Variants in CLPB observed in about 807,000 individuals in gnomAD.
CLPB encodes the protein mitochondrial disaggregase.
CLPB carries 40 observed loss-of-function variants against 78.4 expected under a neutral mutation model. The observed-to-expected ratio is 0.51, with a 90% CI of 0.40 to 0.66. CLPB has a LOEUF of 0.66. Ranked by LOEUF, CLPB falls within the 30% of genes least tolerant of loss-of-function variation. The pLI is 0.00. For synonymous variants in CLPB, 333 were observed against 348.0 expected (o/e 0.96, Z 0.48); for missense variants, 780 against 886.9 (o/e 0.88, Z 1.53).
chr11:72,329,832 G>C (rs1300586612), intron 5 of CLPB, 28 bp from the exon 6 acceptor site: 1 of 1,570,366 alleles, frequency 6.4e-7, no homozygotes, highest in Non-Finnish European at 8.8e-7. Context: ...ATAAACAGAG[G>C]CTCTATGAAC....
Position 72,434,407 on chromosome 11 carries a change from G to T in CLPB, c.68C>A (p.Ser23Tyr). Residue 23 changes from serine to tyrosine, a missense_variant, in exon 1 of 16, where the codon TCC (serine) becomes TAC (tyrosine). Physicochemically the swap from Ser to Tyr is moderately radical, Grantham distance 144 (BLOSUM62 -2). Transcript: ENST00000538039. ...APRLLLRLLR[S>Y]PTLRGHGGAS... ...ACCTCCATGGCCCCGGAGCGTTGGG[G>T]ACCTGAGCAGCCGGAGGAGTAGCCG... 6.2e-7 allele frequency: 1 copy of T among 1,602,508 alleles called. No individual in the cohort carries two copies. Among genetic ancestry groups the T allele is most frequent in the Non-Finnish European group, 8.5e-7 (1 of 1,172,608 alleles).
At position 72,294,418 on chromosome 11, in the gene CLPB, C is replaced by T. The variant is rs764873441; in HGVS notation, c.1587G>A (p.Leu529=). 6.2e-7 allele frequency: 1 copy of T among 1,614,202 alleles called. No individual in the cohort carries two copies. Among genetic ancestry groups the T allele is most frequent in the South Asian group, 1.1e-5 (1 of 91,086 alleles). ...AGTAGACGATCTCATTGATCCGTCCCAGAAACTCATCCCTCCGGAAGTGAG... is the reference window on the plus strand; with the variant it reads ...AGTAGACGATCTCATTGATCCGTCCTAGAAACTCATCCCTCCGGAAGTGAG... ...LKAHFRRDEF[L]GRINEIVYFL... Residue 529 remains leucine, a synonymous_variant, in exon 14 of 16, where the codon CTG becomes CTA. Transcript: ENST00000538039.
At chr11:72,343,196 G>T (rs1419165527) in intron 5 of CLPB, among the ~76,000 whole-genome samples, 1 of 152,144 alleles carries the variant, frequency 6.6e-6, no homozygotes, top group Non-Finnish European at 1.5e-5. Context: ...CTGGAATGAG[G>T]TACACTCAAA....
chr11:72,345,350 T>G (rs1257305780), intron 5 of CLPB, among the ~76,000 whole-genome samples: 5 of 152,158 alleles, frequency 3.3e-5, no homozygotes, highest in Non-Finnish European at 7.3e-5. Context: ...ATGAGGAATA[T>G]CTCTATGAAT....
At chr11:72,391,114 G>C (rs1009704303) in intron 3 of CLPB, among the ~76,000 whole-genome samples, 3 of 152,032 alleles carry the variant, frequency 2.0e-5, no homozygotes, top group Non-Finnish European at 2.9e-5. Context: ...CCCTTTCAGG[G>C]AGTCTCTCAA....
chr11:72,433,700 G>A (rs1402994930), intron 1 of CLPB, among the ~76,000 whole-genome samples: 1 of 152,018 alleles, frequency 6.6e-6, no homozygotes, highest in Non-Finnish European at 1.5e-5. Context: ...ACCATCTGGC[G>A]GTTGCCCTTA....
chr11:72,434,519 G>T lies in CLPB; in HGVS notation c.-45C>A. ...ACCCCGTGGTGCCGGCCCCTGTGCTGACCACGTCCAACATGGCTGCCGCGG... is the reference window on the plus strand; with the variant it reads ...ACCCCGTGGTGCCGGCCCCTGTGCTTACCACGTCCAACATGGCTGCCGCGG... On this transcript the variant is annotated 5_prime_UTR_variant, in exon 1 of 16. Coordinates refer to ENST00000538039, the MANE Select transcript of CLPB (RefSeq NM_001258392.3). 1.3e-6 allele frequency: 2 copies of T among 1,511,350 alleles called. No homozygotes were observed. The highest frequency in any genetic ancestry group is 2.7e-5 in the South Asian group (2 of 75,040). The allele number at this position is 1,511,350 out of a possible 1,614,324, so 93.6% of individuals were successfully genotyped here. A position where few individuals can be genotyped will look rare whatever the true frequency, so the allele number is the denominator to read the frequency against.
At chr11:72,386,868 C>T (rs11235486) in intron 3 of CLPB, among the ~76,000 whole-genome samples, 1 of 152,140 alleles carries the variant, frequency 6.6e-6, no homozygotes, top group African/African-American at 2.4e-5. Flanking sequence ...CATTTGGAGA[C>T]TATTTACTCT....
At chr11:72,393,663 A>C (rs1405871956) in intron 3 of CLPB, among the ~76,000 whole-genome samples, 1 of 152,222 alleles carries the variant, frequency 6.6e-6, no homozygotes, top group Admixed American at 6.5e-5. Flanking sequence ...GGGCCTATAC[A>C]GGGCAGTAAA....
At chr11:72,372,145 G>A (rs1231276246) in intron 4 of CLPB, among the ~76,000 whole-genome samples, 4 of 152,144 alleles carry the variant, frequency 2.6e-5, no homozygotes, top group Non-Finnish European at 5.9e-5. Context: ...TTAGGTAATG[G>A]CTAAGCCATT....
At chr11:72,318,254 G>T (rs1177811097) in intron 6 of CLPB, among the ~76,000 whole-genome samples, 1 of 152,204 alleles carries the variant, frequency 6.6e-6, no homozygotes, top group Non-Finnish European at 1.5e-5. Context: ...CAGCTAGATG[G>T]GGTGGTGTAG....
chr11:72,380,940 G>A (rs543401169), intron 3 of CLPB, among the ~76,000 whole-genome samples: 3 of 152,288 alleles, frequency 2.0e-5, no homozygotes, highest in South Asian at 2.1e-4. Context: ...CAGGAGAAAC[G>A]TGCAGCAGAC....
In CLPB at chr11:72,358,926, A is replaced by G; in HGVS notation, c.729T>C (p.Ala243=). ...CAGTGCGGTAGTCATCAGCAAGAAC[A>G]GCATAGTGCAAGGCCGTGCAGCCCT... ...SFKGCTALHY[A]VLADDYRTVK... Residue 243 remains alanine, a synonymous_variant, in exon 5 of 16, where the codon GCT becomes GCC. Transcript: ENST00000538039. 1 of 1,612,402 alleles carries G rather than the reference A, an allele frequency of 6.2e-7. No homozygotes were observed. Among genetic ancestry groups the G allele is most frequent in the Non-Finnish European group, 8.5e-7 (1 of 1,179,674 alleles).
chr11:72,383,875 G>A (rs1854995646), intron 3 of CLPB, among the ~76,000 whole-genome samples: 1 of 152,162 alleles, frequency 6.6e-6, no homozygotes, highest in South Asian at 2.1e-4. Flanking sequence ...TAAGGAGAGT[G>A]CTTCATGTTG....
intron 5 of CLPB, chr11:72,355,338 G>A (rs1217679141): frequency 6.6e-6 from 1 of 152,188 alleles, no homozygotes; most frequent in Non-Finnish European, 1.5e-5. Flanking sequence ...GGCAGGATGG[G>A]AATATCGTAG....
intron 2 of CLPB, among the ~76,000 whole-genome samples, chr11:72,404,365 A>G (rs1001262427): frequency 1.3e-5 from 2 of 152,232 alleles, no homozygotes; most frequent in Non-Finnish European, 2.9e-5. Flanking sequence ...TTTGAATCCT[A>G]GCACCATTCT....
At chr11:72,331,041 A>G (rs779694572) in intron 5 of CLPB, among the ~76,000 whole-genome samples, 1 of 152,252 alleles carries the variant, frequency 6.6e-6, no homozygotes, top group East Asian at 1.9e-4. Flanking sequence ...TCCTATTGCA[A>G]GTCTCTACTT....
chr11:72,396,506 A>G (rs950548913), intron 3 of CLPB, among the ~76,000 whole-genome samples: 1 of 152,210 alleles, frequency 6.6e-6, no homozygotes, highest in Non-Finnish European at 1.5e-5. Flanking sequence ...GTGTCCCTGC[A>G]TGAGAGTCCA....
At chr11:72,401,937 G>A (rs531332353) in intron 3 of CLPB, among the ~76,000 whole-genome samples, 8 of 152,250 alleles carry the variant, frequency 5.3e-5, no homozygotes, top group South Asian at 2.1e-4. Context: ...ATCTGGCATC[G>A]GGAGGTAGCA....
Sources: gnomAD v4.1 joint callset for allele counts (sites outside exome capture counted in the v4.1 genomes callset) on GRCh38, gnomAD v4.1.1 for gene constraint, MANE v1.5 for transcripts, NCBI Gene and HGNC (gene_info 2026-07-23, HGNC 2026-07-21) for gene names.